MYO16: variants seen among roughly 807,000 people sequenced by gnomAD.
MYO16 encodes the protein unconventional myosin-XVI.
MYO16 carries 94 observed loss-of-function variants against 205.3 expected under a neutral mutation model. The ratio of observed to expected loss-of-function variants is 0.46; its 90% confidence interval spans 0.39 to 0.54. The LOEUF is 0.54. Ranked by LOEUF, MYO16 falls within the 20% of genes least tolerant of loss-of-function variation. The pLI is 0.00. For missense variants in MYO16, 2,315 were observed against 2,387.5 expected, an observed-to-expected ratio of 0.97 and a Z score of 0.63; for synonymous variants, 988 against 954.0, an observed-to-expected ratio of 1.04 and a Z score of -0.66.
intron 32 of MYO16, among the ~76,000 whole-genome samples, chr13:109,160,109 C>T (rs1471749244): frequency 1.3e-5 from 2 of 152,224 alleles, no homozygotes; most frequent in African/African-American, 4.8e-5. Context: ...GGCCTCTGCT[C>T]ACCAGACGTC....
At chr13:109,107,527 A>G (rs1889154396) in intron 28 of MYO16, among the ~76,000 whole-genome samples, 1 of 151,912 alleles carries the variant, frequency 6.6e-6, no homozygotes, top group Non-Finnish European at 1.5e-5. Flanking sequence ...AGTTTTAACT[A>G]CCTCTCACTT....
intron 16 of MYO16, among the ~76,000 whole-genome samples, chr13:108,951,707 C>T (rs974834931): frequency 1.2e-4 from 19 of 152,076 alleles, no homozygotes; most frequent in Admixed American, 3.9e-4. Context: ...TAAACAATGG[C>T]GATGTAGACA....
intron 4 of MYO16, among the ~76,000 whole-genome samples, chr13:108,773,630 C>T (rs1387528567): frequency 6.6e-6 from 1 of 152,168 alleles, no homozygotes; most frequent in Non-Finnish European, 1.5e-5. Flanking sequence ...CAGTGTGACT[C>T]ATCTTAACTA....
Position 108,730,101 on chromosome 13 carries a change from G to A in MYO16, c.507+2518G>A, listed in dbSNP as rs75236922. Among the ~76,000 whole-genome samples the A allele has an allele frequency of 3.6e-3, 552 of 152,156 alleles. 1 individual carries two copies. Among genetic ancestry groups the A allele is most frequent in the African/African-American group, 0.012 (505 of 41,516 alleles). Reference sequence around the variant, plus strand: ...TCACAGGTAGCATATGATAAGGTTCGGCCATGTCCCCACTCCAATCTCATC... The same window carrying A: ...TCACAGGTAGCATATGATAAGGTTCAGCCATGTCCCCACTCCAATCTCATC... On this transcript the variant is annotated intron_variant, in intron 4 of 34. Transcript: ENST00000457511.
chr13:108,839,028 T>C (rs1877095010), intron 9 of MYO16, among the ~76,000 whole-genome samples: 1 of 152,080 alleles, frequency 6.6e-6, no homozygotes, highest in Admixed American at 6.6e-5. Context: ...TTATAAGAAA[T>C]GAAAGGTATT....
intron 25 of MYO16, among the ~76,000 whole-genome samples, chr13:109,053,440 A>G (rs906866412): frequency 9.2e-5 from 14 of 151,974 alleles, no homozygotes; most frequent in African/African-American, 3.4e-4. Context: ...CATTTTTTAC[A>G]TTAAAAAAAA....
At chr13:108,590,702 G>T in the MYO16 span, among the ~76,000 whole-genome samples, 1 of 152,136 alleles carries the variant, frequency 6.6e-6, no homozygotes, top group African/African-American at 2.4e-5. Context: ...ACATAAAAGA[G>T]AGAAGGCCTT....
intron 7 of MYO16, among the ~76,000 whole-genome samples, chr13:108,815,883 C>T (rs536348788): frequency 6.6e-6 from 1 of 152,246 alleles, no homozygotes; most frequent in African/African-American, 2.4e-5. Flanking sequence ...TATAAGTCTT[C>T]CACTTGTAAG....
intron 23 of MYO16, among the ~76,000 whole-genome samples, chr13:109,044,691 C>G (rs909362929): frequency 4.6e-5 from 7 of 152,062 alleles, no homozygotes; most frequent in African/African-American, 7.2e-5. Context: ...AGAGATTACC[C>G]ACACTATTTG....
Position 109,052,183 on chromosome 13 carries a change from G to A in MYO16, c.2873-117G>A, listed in dbSNP as rs181202561. The A allele has an allele frequency of 1.9e-4, 153 of 822,774 alleles. 2 individuals carry two copies. The East Asian group carries it at 2.9e-3, about 15-fold the overall frequency. The allele number at this position is 822,774 out of a possible 1,614,324, so 51.0% of individuals were successfully genotyped here. A position where few individuals can be genotyped will look rare whatever the true frequency, so the allele number is the denominator to read the frequency against. Reference sequence around the variant, plus strand: ...AGGTAGACTCCTCAATCTGCTGAACGAATGACGTCTTGCACCCAGAATGTA... The same window carrying A: ...AGGTAGACTCCTCAATCTGCTGAACAAATGACGTCTTGCACCCAGAATGTA... On this transcript the variant is annotated intron_variant, in intron 24 of 34. Coordinates refer to ENST00000457511, the MANE Select transcript of MYO16 (RefSeq NM_001198950.3).
intron 19 of MYO16, among the ~76,000 whole-genome samples, chr13:108,964,098 C>T (rs896347726): frequency 1.3e-5 from 2 of 152,218 alleles, no homozygotes; most frequent in African/African-American, 2.4e-5. Flanking sequence ...CAATGGTCAG[C>T]AAGTTTGGCC....
At chr13:108,946,939 T>C (rs1417161516) in intron 16 of MYO16, among the ~76,000 whole-genome samples, 2 of 152,094 alleles carry the variant, frequency 1.3e-5, no homozygotes, top group Non-Finnish European at 2.9e-5. Flanking sequence ...ACTGGGTAAT[T>C]AAAATTTTCT....
At chr13:108,733,342 C>A (rs1884584544) in intron 4 of MYO16, among the ~76,000 whole-genome samples, 1 of 152,194 alleles carries the variant, frequency 6.6e-6, no homozygotes, top group South Asian at 2.1e-4. Flanking sequence ...TCCCTTGATT[C>A]TCACAGAATT....
In MYO16 at chr13:109,201,023, G is replaced by A. The variant is rs908383928; in HGVS notation, c.5416-5586G>A. 1.3e-5 allele frequency among the ~76,000 whole-genome samples: 2 copies of A among 151,924 alleles called. 1 individual carries two copies. Among genetic ancestry groups the A allele is most frequent in the Non-Finnish European group, 2.9e-5 (2 of 67,970 alleles). On this transcript the variant is annotated intron_variant, in intron 34 of 34. Transcript: ENST00000457511. ...GATGGAAGAGTAACACCAACTGCTG[G>A]GTAGAGATTTGGATTCTGTTTGTTT...
At chr13:109,097,221 CAG>C (rs1307590344) in intron 27 of MYO16, among the ~76,000 whole-genome samples, 1 of 152,174 alleles carries the variant, frequency 6.6e-6, no homozygotes, top group Admixed American at 6.5e-5. Context: ...CCCATCTACT[CAG>C]GAGGCTGAGG....
At chr13:108,667,552 T>C (rs968470236) in intron 2 of MYO16, among the ~76,000 whole-genome samples, 72 of 152,162 alleles carry the variant, frequency 4.7e-4, no homozygotes, top group African/African-American at 1.7e-3. Context: ...TGTGAGTCTG[T>C]GAGCACATCG....
Position 109,127,686 on chromosome 13 carries a change from G to C in MYO16, c.4051+136G>C, listed in dbSNP as rs1198219526. On this transcript the variant is annotated intron_variant, in intron 31 of 34. Coordinates refer to ENST00000457511, the MANE Select transcript of MYO16 (RefSeq NM_001198950.3). The surrounding 1 kb of genome is among the most constrained non-coding windows in gnomAD (Gnocchi z 4.2). The stretch of plus-strand genomic sequence containing the variant: ...AAATCCAATTGTTGGCTTGCCAGCA[G>C]CTCTTAATCATTAAATATAAATAAT... 5 of 817,420 alleles carry C rather than the reference G, an allele frequency of 6.1e-6. No homozygotes were observed. The highest frequency in any genetic ancestry group is 2.0e-5 in the South Asian group (1 of 50,046). The allele number at this position is 817,420 out of a possible 1,614,324, so 50.6% of individuals were successfully genotyped here.
At chr13:108,764,740 C>A (rs1166037060) in intron 4 of MYO16, among the ~76,000 whole-genome samples, 1 of 152,132 alleles carries the variant, frequency 6.6e-6, no homozygotes, top group Non-Finnish European at 1.5e-5. Flanking sequence ...GAAATTGTAT[C>A]TTTTAATTGG....
intron 31 of MYO16, among the ~76,000 whole-genome samples, chr13:109,131,346 G>T (rs1419511107): frequency 3.3e-5 from 5 of 152,136 alleles, no homozygotes; most frequent in Non-Finnish European, 7.4e-5. Flanking sequence ...ATTTATTCTT[G>T]TTCTTACTAG....
Sources: gnomAD v4.1 joint callset for allele counts (sites outside exome capture counted in the v4.1 genomes callset) on GRCh38, gnomAD v4.1.1 for gene constraint, Gnocchi (gnomAD v3.1) non-coding constraint, MANE v1.5 for transcripts, NCBI Gene and HGNC (gene_info 2026-07-23, HGNC 2026-07-21) for gene names.